Variants in SURF4 observed in about 807,000 individuals in gnomAD.
SURF4 encodes the protein surfeit 4.
In SURF4, 3 loss-of-function variants were observed where a neutral mutation model predicts 30.0. The observed-to-expected ratio is 0.10, with a 90% confidence interval of 0.05 to 0.26. The LOEUF is 0.26. Among genes scored for constraint, SURF4 ranks in the 10% least tolerant of loss-of-function variants. The pLI, the probability that SURF4 is intolerant of heterozygous loss-of-function variation, is 1.00. For missense variants in SURF4, 217 were observed against 350.8 expected (o/e 0.62, Z 3.05); for synonymous variants, 143 against 139.9 (o/e 1.02, Z -0.16).
At position 133,362,952 on chromosome 9, in the gene SURF4, T is replaced by A; in HGVS notation, c.*541A>T. The A allele has an allele frequency of 5.0e-6, 1 of 199,992 alleles. No individual in the cohort carries two copies. Among genetic ancestry groups the A allele is most frequent in the Non-Finnish European group, 1.0e-5 (1 of 96,164 alleles). The allele number at this position is 199,992 out of a possible 1,614,324, so 12.4% of individuals were successfully genotyped here. On this transcript the variant is annotated 3_prime_UTR_variant, in exon 6 of 6. Coordinates refer to ENST00000371989, the MANE Select transcript of SURF4 (RefSeq NM_033161.4). ...TCATTCTTTGGGTGTCCCTAAATGT[T>A]TTCACTATTCCTATAAAATACAATG... is the stretch of plus-strand genomic sequence containing the variant.
upstream of SURF4, among the ~76,000 whole-genome samples, chr9:133,376,921 C>T (rs188409022): frequency 1.7e-3 from 263 of 152,224 alleles, 1 homozygote; most frequent in Non-Finnish European, 2.3e-3. Context: ...CTAAAAACAC[C>T]CCTGCAGCGT....
intron 1 of SURF4, among the ~76,000 whole-genome samples, chr9:133,374,221 G>C (rs1332615025): frequency 6.6e-6 from 1 of 152,084 alleles, no homozygotes; most frequent in Non-Finnish European, 1.5e-5. Context: ...AGGTCTACCT[G>C]GTTCTTGAGA....
At chr9:133,373,917 A>AT (rs1361698952) in intron 1 of SURF4, among the ~76,000 whole-genome samples, 1 of 133,270 alleles carries the variant, frequency 7.5e-6, no homozygotes, top group African/African-American at 3.6e-5. Flanking sequence ...CTCAAAAAAA[A>AT]AAAAAAAAAA....
At chr9:133,366,150 T>C (rs1036221785) in intron 3 of SURF4, 122 bp from the exon 4 acceptor site, 6 of 955,268 alleles carry the variant, frequency 6.3e-6, no homozygotes, top group Non-Finnish European at 9.8e-6. Context: ...ACAAAACCAT[T>C]GTAGGAGACC....
chr9:133,370,897 T>G, intron 1 of SURF4: 1 of 1,289,744 alleles, frequency 7.8e-7, no homozygotes, highest in Middle Eastern at 2.1e-4. Flanking sequence ...AGCTTCTCAT[T>G]AAGTCTCTCC....
rs1229140832 is a variant in SURF4, at chr9:133,363,550, C to G, written c.753G>C (p.Leu251=). The G allele has an allele frequency of 1.9e-6, 3 of 1,614,094 alleles. No homozygotes were observed. The highest frequency in any genetic ancestry group is 1.7e-6 in the Non-Finnish European group (2 of 1,180,050). ...CACCCCCAGGGCCCAGGGCCACCAC[C>G]AGGAGCAAGCCCCCAATCACCGACA... ...QTMSVIGGLL[L]VVALGPGGVS... Residue 251 remains leucine, a synonymous_variant, in exon 6 of 6, where the codon CTG becomes CTC. Transcript: ENST00000371989. The surrounding 1 kb of genome is among the most constrained non-coding windows in gnomAD (Gnocchi z 4.3).
At chr9:133,373,933 A>G (rs1048278056) in intron 1 of SURF4, among the ~76,000 whole-genome samples, 45 of 149,242 alleles carry the variant, frequency 3.0e-4, no homozygotes, top group East Asian at 3.9e-4. Context: ...AAAAAAAAAA[A>G]AAGAAGAAGA....
chr9:133,370,203 CTTAAT>C (rs1262730210), intron 1 of SURF4, among the ~76,000 whole-genome samples: 1 of 152,150 alleles, frequency 6.6e-6, no homozygotes, highest in African/African-American at 2.4e-5. Context: ...GTCTGCGACT[CTTAAT>C]TTGAGTGTCT....
At position 133,362,411 on chromosome 9, in the gene SURF4, G is replaced by A. The variant is rs1564358788; in HGVS notation, c.*1082C>T. The A allele has an allele frequency of 6.6e-6, 1 of 152,666 alleles. No homozygotes were observed. Among genetic ancestry groups the A allele is most frequent in the Non-Finnish European group, 1.5e-5 (1 of 68,030 alleles). The allele number at this position is 152,666 out of a possible 1,614,324, so 9.5% of individuals were successfully genotyped here. On this transcript the variant is annotated 3_prime_UTR_variant, in exon 6 of 6. Transcript: ENST00000371989. ...TCACAAATTGTAAAAAGGAATTTTG[G>A]CTGCATTCGGCATAGCAAACGGACA... is the stretch of plus-strand genomic sequence containing the variant.
At position 133,363,778 on chromosome 9, in the gene SURF4, A is replaced by G. The variant is rs2130092616; in HGVS notation, c.544-19T>C. On this transcript the variant is annotated intron_variant, in intron 5 of 5. Transcript: ENST00000371989. The surrounding 1 kb of genome is among the most constrained non-coding windows in gnomAD (Gnocchi z 4.3). ...GGACAATCTGCATAGGTTGAAACGT[A>G]AGAAATTCAAAATAAATGTGAGGAA... is the stretch of plus-strand genomic sequence containing the variant. 5.0e-6 allele frequency: 8 copies of G among 1,613,302 alleles called. No homozygotes were observed. Among genetic ancestry groups the G allele is most frequent in the Non-Finnish European group, 5.9e-6 (7 of 1,179,426 alleles).
intron 1 of SURF4, chr9:133,375,352 C>G: frequency 1.0e-6 from 1 of 983,362 alleles, no homozygotes; most frequent in Middle Eastern, 5.2e-4. Flanking sequence ...GAGGGAGACG[C>G]AGACAGGGTC....
At chr9:133,373,988 G>T (rs1837691775) in intron 1 of SURF4, among the ~76,000 whole-genome samples, 2 of 149,408 alleles carry the variant, frequency 1.3e-5, no homozygotes, top group South Asian at 2.1e-4. Flanking sequence ...GTCAATAGGG[G>T]AGTCTGTCAT....
In SURF4 at chr9:133,376,037, C is replaced by A. The variant is rs1462875998; in HGVS notation, c.-68G>T. 2 of 1,214,050 alleles carry A rather than the reference C, an allele frequency of 1.6e-6. No individual in the cohort carries two copies. Among genetic ancestry groups the A allele is most frequent in the African/African-American group, 1.6e-5 (1 of 63,544 alleles). 75.2% of individuals were successfully genotyped at this position (1,214,050 alleles called of 1,614,324 possible). A position where few individuals can be genotyped will look rare whatever the true frequency, so the allele number is the denominator to read the frequency against. The stretch of plus-strand genomic sequence containing the variant: ...TGGCTCTCGCCCGTCGGCGCCCGCA[C>A]CCGCTGCGGCCTCCACAGGAAGTGC... On this transcript the variant is annotated 5_prime_UTR_variant, in exon 1 of 6. Coordinates refer to ENST00000371989, the MANE Select transcript of SURF4 (RefSeq NM_033161.4).
chr9:133,376,381 G>A, upstream of SURF4: 6 of 1,414,810 alleles, frequency 4.2e-6, no homozygotes, highest in Non-Finnish European at 4.6e-6. Flanking sequence ...CCTCGAGGGC[G>A]CCGTTCGGGC....
rs1836910162 is a variant in SURF4 at position 133,362,928 on chromosome 9, C to T, written c.*565G>A. Reference sequence around the variant, plus strand: ...TTCTACCACCCCTTTAATACTGCATCATTCTTTGGGTGTCCCTAAATGTTT... The same window carrying T: ...TTCTACCACCCCTTTAATACTGCATTATTCTTTGGGTGTCCCTAAATGTTT... On this transcript the variant is annotated 3_prime_UTR_variant, in exon 6 of 6. Transcript: ENST00000371989. 5.5e-6 allele frequency: 1 copy of T among 181,082 alleles called. No homozygotes were observed. The highest frequency in any genetic ancestry group is 1.2e-5 in the Non-Finnish European group (1 of 84,928). The allele number at this position is 181,082 out of a possible 1,614,324, so 11.2% of individuals were successfully genotyped here. A position where few individuals can be genotyped will look rare whatever the true frequency, so the allele number is the denominator to read the frequency against.
chr9:133,367,472 G>A (rs2130143020), intron 1 of SURF4, 27 bp from the exon 2 acceptor site: 3 of 1,611,154 alleles, frequency 1.9e-6, no homozygotes, highest in Non-Finnish European at 1.7e-6. Flanking sequence ...ACCCAAGGGT[G>A]AGGTGGCTGC....
intron 1 of SURF4, chr9:133,375,477 C>A (rs939789242): frequency 2.2e-5 from 21 of 952,044 alleles, no homozygotes; most frequent in Non-Finnish European, 2.6e-5. Context: ...GGACCCCCGG[C>A]CCCCGTTCGT....
At chr9:133,375,456 T>C (rs1423374752) in intron 1 of SURF4, 4 of 981,240 alleles carry the variant, frequency 4.1e-6, no homozygotes, top group Middle Eastern at 5.2e-4. Flanking sequence ...CGCGCCCCCT[T>C]TCCTCTGGGA....
At chr9:133,373,472 G>A (rs2130207653) in intron 1 of SURF4, among the ~76,000 whole-genome samples, 39 of 151,130 alleles carry the variant, frequency 2.6e-4, no homozygotes, top group Non-Finnish European at 4.6e-4. Context: ...GCGTGGTGGC[G>A]TGGGCCTGTC....
Sources: gnomAD v4.1 joint callset for allele counts (sites outside exome capture counted in the v4.1 genomes callset) on GRCh38, gnomAD v4.1.1 for gene constraint, Gnocchi (gnomAD v3.1) non-coding constraint, MANE v1.5 for transcripts, NCBI Gene and HGNC (gene_info 2026-07-23, HGNC 2026-07-21) for gene names.